COL9A3: variants seen among roughly 807,000 people sequenced by gnomAD.
The protein encoded by COL9A3 is collagen type IX alpha 3 chain, also known as collagen alpha-3(IX) chain.
In COL9A3, 82 loss-of-function variants were observed where a neutral mutation model predicts 110.2. That is an observed-to-expected ratio of 0.74 (90% CI 0.62 to 0.89). The LOEUF is 0.89. Among genes scored for constraint, COL9A3 ranks in the 40% least tolerant of loss-of-function variants. The pLI, the probability that COL9A3 is intolerant of heterozygous loss-of-function variation, is 0.00. For synonymous variants in COL9A3, 494 were observed against 403.8 expected, an observed-to-expected ratio of 1.22 and a Z score of -2.68; for missense variants, 1,066 against 981.3, an observed-to-expected ratio of 1.09 and a Z score of -1.15.
At chr20:62,829,528 G>A (rs2063579150) in intron 20 of COL9A3, 29 bp downstream of exon 20, 2 of 1,612,420 alleles carry the variant, frequency 1.2e-6, no homozygotes, top group South Asian at 1.1e-5. Flanking sequence ...TTTCTCTCTG[G>A]GAGGGGAGGC....
intron 26 of COL9A3, among the ~76,000 whole-genome samples, chr20:62,834,156 G>A (rs1021559611): frequency 2.6e-5 from 4 of 152,100 alleles, no homozygotes; most frequent in African/African-American, 4.8e-5. Flanking sequence ...TTACAGGTAC[G>A]AGCCACCGCC....
chr20:62,823,206 C>T (rs1234519645), intron 10 of COL9A3, among the ~76,000 whole-genome samples: 4 of 152,140 alleles, frequency 2.6e-5, no homozygotes, highest in Non-Finnish European at 5.9e-5. Flanking sequence ...GACGTGGTGG[C>T]GTGCCTGTTG....
At position 62,819,974 on chromosome 20, in the gene COL9A3, G is replaced by A; in HGVS notation, c.301G>A (p.Gly101Arg). The A allele has an allele frequency of 1.2e-6, 2 of 1,612,388 alleles. No homozygotes were observed. The highest frequency in any genetic ancestry group is 1.7e-6 in the Non-Finnish European group (2 of 1,179,824). Residue 101 changes from glycine to arginine, a missense_variant, in exon 5 of 32, where the codon GGG (glycine) becomes AGG (arginine). Transcript: ENST00000649368. ...ACCCCCTGGACCCAAGGGTGCCCCT[G>A]GGGAACGGGTAAGTGCCTGCGCCGA... ...DGPPGPKGAPGERGSLGPPGP... is the reference protein window; with the variant it reads ...DGPPGPKGAPRERGSLGPPGP...
At position 62,836,501 on chromosome 20, in the gene COL9A3, C is replaced by T; in HGVS notation, c.1572C>T (p.Arg524=). The T allele has an allele frequency of 1.2e-6, 2 of 1,613,356 alleles. 1 individual carries two copies. Among genetic ancestry groups the T allele is most frequent in the South Asian group, 2.2e-5 (2 of 90,964 alleles). ...AGGGGAAGGAGGCCAGCGAGCAGCGCATCAGGGAGCTGTGTGGGGGGATGA... is the reference window on the plus strand; with the variant it reads ...AGGGGAAGGAGGCCAGCGAGCAGCGTATCAGGGAGCTGTGTGGGGGGATGA... ...GVPGKEASEQ[R]IRELCGGMIS... is the part of the protein sequence containing the mutation. The change falls in exon 29 of 32, where the codon CGC becomes CGT. Residue 524 remains arginine, a synonymous_variant. Transcript: ENST00000649368.
intron 26 of COL9A3, among the ~76,000 whole-genome samples, chr20:62,833,949 G>A (rs762173401): frequency 1.1e-4 from 16 of 151,820 alleles, no homozygotes; most frequent in Admixed American, 5.2e-4. Context: ...ACGCCATCTC[G>A]GCTCACTGCA....
At position 62,826,710 on chromosome 20, in the gene COL9A3, G is replaced by A. The variant is rs77790203; in HGVS notation, c.739-57G>A. On this transcript the variant is annotated intron_variant, in intron 14 of 31. Transcript: ENST00000649368. ...TGGGCCGCCCCTGAGGGAGCACTGG[G>A]GGGATGCCAGCCAGGCCTCAGACAA... 2,874 of 1,595,774 alleles carry A rather than the reference G, an allele frequency of 1.8e-3. 41 individuals carry two copies. The African/African-American group carries it at 0.035, about 19-fold the overall frequency.
intron 6 of COL9A3, 116 bp from the exon 7 acceptor site, chr20:62,821,391 G>A (rs2063511837): frequency 3.4e-6 from 5 of 1,452,616 alleles, no homozygotes; most frequent in African/African-American, 2.8e-5. Context: ...GCTGGGACCA[G>A]ACACCCATCC....
chr20:62,828,648 T>C (rs1600800616), intron 17 of COL9A3, 116 bp from the exon 18 acceptor site: 1 of 1,166,246 alleles, frequency 8.6e-7, no homozygotes, highest in Non-Finnish European at 1.3e-6. Context: ...ACTGCCAGGG[T>C]GTGGGGGCAG....
At chr20:62,833,146 G>A (rs1363206004) in intron 26 of COL9A3, 82 bp downstream of exon 26, 2 of 1,137,280 alleles carry the variant, frequency 1.8e-6, no homozygotes, top group East Asian at 4.7e-5. Flanking sequence ...CTGGGGACAG[G>A]GTCAAAATCT....
intron 12 of COL9A3, 129 bp downstream of exon 12, chr20:62,825,150 C>CGGTG (rs2147207148): frequency 7.2e-5 from 1 of 13,934 alleles, no homozygotes; most frequent in African/African-American, 2.6e-4. Context: ...TGGGCTCCGG[C>CGGTG]GGGAGGGAGG....
chr20:62,826,093 G>T, intron 13 of COL9A3, 111 bp from the exon 14 acceptor site: 1 of 1,248,426 alleles, frequency 8.0e-7, no homozygotes, highest in Non-Finnish European at 1.1e-6. Context: ...GAGGCTGAGG[G>T]CTCATGGAAG....
intron 19 of COL9A3, 144 bp from the exon 20 acceptor site, chr20:62,829,311 A>AG: frequency 8.9e-7 from 1 of 1,118,042 alleles, no homozygotes; most frequent in South Asian, 1.5e-5. Context: ...GCCGCACCTC[A>AG]GGTCCACAAG....
intron 26 of COL9A3, 36 bp downstream of exon 26, chr20:62,833,100 T>C (rs956595028): frequency 1.3e-6 from 2 of 1,571,900 alleles, no homozygotes; most frequent in African/African-American, 2.7e-5. Flanking sequence ...TACCAACAGC[T>C]GGGAGCGAGG....
At position 62,836,385 on chromosome 20, in the gene COL9A3, T is replaced by C. The variant is rs752780028; in HGVS notation, c.1548+52T>C. 1.9e-6 allele frequency: 3 copies of C among 1,613,984 alleles called. No individual in the cohort carries two copies. In the East Asian group the frequency reaches 6.7e-5, roughly 36 times the overall value. On this transcript the variant is annotated intron_variant, in intron 28 of 31. Transcript: ENST00000649368. ...CTTTCACAGGGTTGAGATCGTGTTTTTTCCGGAAGGAAGTTACTTTGCGGG... is the reference window on the plus strand; with the variant it reads ...CTTTCACAGGGTTGAGATCGTGTTTCTTCCGGAAGGAAGTTACTTTGCGGG...
At chr20:62,828,103 C>T in intron 17 of COL9A3, 127 bp downstream of exon 17, 7 of 961,000 alleles carry the variant, frequency 7.3e-6, no homozygotes, top group Non-Finnish European at 1.1e-5. Flanking sequence ...TCTGGGTTAA[C>T]GGTGGAACAG....
chr20:62,830,525 G>A lies in COL9A3; in HGVS notation c.1224G>A (p.Lys408=), dbSNP rs2063587135. Residue 408 remains lysine, a synonymous_variant, in exon 24 of 32, where the codon AAG becomes AAA. Transcript: ENST00000649368. Reference sequence around the variant, plus strand: ...AGGACCTCCTTCCCCAGGGCCAGAAGGGCAGCATGGGAGACCCCGGCCTTC... The same window carrying A: ...AGGACCTCCTTCCCCAGGGCCAGAAAGGCAGCATGGGAGACCCCGGCCTTC... ...APGVRGFQGQ[K]GSMGDPGLPG... is the part of the protein sequence containing the mutation. The A allele has an allele frequency of 2.5e-6, 4 of 1,608,604 alleles. No individual in the cohort carries two copies. Among genetic ancestry groups the A allele is most frequent in the East Asian group, 2.2e-5 (1 of 44,724 alleles).
intron 26 of COL9A3, 151 bp downstream of exon 26, chr20:62,833,215 G>C: frequency 1.4e-6 from 1 of 721,856 alleles, no homozygotes; most frequent in Non-Finnish European, 2.5e-6. Context: ...GAGCAGGGTC[G>C]GGCAGAGGCC....
rs757284261 is a variant in COL9A3 at position 62,836,318 on chromosome 20, G to C, written c.1533G>C (p.Gly511=). ...QGVPGVPGIT[G]KPGVPGKEAS... Reference sequence around the variant, plus strand: ...TCCCGGGTGTTCCTGGCATCACGGGGAAGCCGGGAGTTCCGGTACGTCGCT... The same window carrying C: ...TCCCGGGTGTTCCTGGCATCACGGGCAAGCCGGGAGTTCCGGTACGTCGCT... The change falls in exon 28 of 32, where the codon GGG becomes GGC. Residue 511 remains glycine (G), a synonymous_variant. Transcript: ENST00000649368. 1.2e-6 allele frequency: 2 copies of C among 1,613,814 alleles called. No individual in the cohort carries two copies. Among genetic ancestry groups the C allele is most frequent in the South Asian group, 2.2e-5 (2 of 91,090 alleles).
chr20:62,840,474 C>T, intron 31 of COL9A3, 68 bp from the exon 32 acceptor site: 6 of 1,419,470 alleles, frequency 4.2e-6, no homozygotes, highest in Non-Finnish European at 6.0e-6. Flanking sequence ...TTGCCCACAG[C>T]TGGATGTCAA....
Sources: allele counts gnomAD v4.1 joint callset (sites outside exome capture counted in the v4.1 genomes callset), GRCh38; gene constraint gnomAD v4.1.1; transcripts MANE v1.5; gene names NCBI Gene and HGNC (gene_info 2026-07-23, HGNC 2026-07-21).